The following CENPP variants were observed in gnomAD, a reference collection of about 807,000 sequenced individuals.
The protein encoded by CENPP is centromere protein P.
CENPP carries 24 observed loss-of-function variants against 35.6 expected under a neutral mutation model. The observed-to-expected ratio is 0.67, with a 90% CI of 0.49 to 0.95. The LOEUF (loss-of-function observed/expected upper bound fraction) is 0.95, where lower values mean the gene tolerates loss of function less well. Ranked by LOEUF, CENPP falls within the 40% of genes least tolerant of loss-of-function variation. CENPP has a pLI of 0.00. For missense variants in CENPP, 332 were observed against 345.3 expected (o/e 0.96, Z 0.31); for synonymous variants, 120 against 125.5 (o/e 0.96, Z 0.29).
In CENPP at chr9:92,330,910, G is replaced by T. The variant is rs992290292; in HGVS notation, c.108-1260G>T. 2.0e-5 allele frequency among the ~76,000 whole-genome samples: 3 copies of T among 151,924 alleles called. 1 individual carries two copies. In the South Asian group the frequency reaches 6.2e-4, roughly 31 times the overall value. ...TCACCATATTGGCCAGGCTGGTCTC[G>T]AACTCCTGACCTCAAGTGATCCACC... On this transcript the variant is annotated intron_variant, in intron 1 of 7. Transcript: ENST00000375587.
intron 5 of CENPP, among the ~76,000 whole-genome samples, chr9:92,406,126 C>T (rs538142913): frequency 6.6e-6 from 1 of 152,136 alleles, no homozygotes; most frequent in Non-Finnish European, 1.5e-5. Context: ...GGAGGGTAAG[C>T]GCAGGTGATG....
chr9:92,447,418 T>C (rs965564093), intron 5 of CENPP, among the ~76,000 whole-genome samples: 1 of 152,080 alleles, frequency 6.6e-6, no homozygotes, highest in Non-Finnish European at 1.5e-5. Flanking sequence ...GTGTGGTTCA[T>C]AATAGGGTTT....
At chr9:92,446,091 A>C (rs1044451557) in intron 5 of CENPP, among the ~76,000 whole-genome samples, 8 of 152,090 alleles carry the variant, frequency 5.3e-5, no homozygotes, top group Non-Finnish European at 7.4e-5. Flanking sequence ...AGAAAAAAAA[A>C]CTCTCCATCA....
chr9:92,570,733 T>C (rs1480861700), intron 5 of CENPP, among the ~76,000 whole-genome samples: 2 of 152,256 alleles, frequency 1.3e-5, no homozygotes, highest in Non-Finnish European at 2.9e-5. Flanking sequence ...TGGTAGGCTA[T>C]TAATTATTGC....
At chr9:92,547,645 T>C (rs1033641083) in intron 5 of CENPP, among the ~76,000 whole-genome samples, 14 of 152,188 alleles carry the variant, frequency 9.2e-5, no homozygotes, top group African/African-American at 3.1e-4. Flanking sequence ...AGTGGTTGCC[T>C]GAAATGAAGG....
rs144488901 is a variant in CENPP at position 92,616,224 on chromosome 9, A to G, written c.*3075A>G. ...TTTTAAAAGAGAAGTGAATGGCCTC[A>G]CACCCCAGCTCACAAAGAGCACTCG... On this transcript the variant is annotated 3_prime_UTR_variant, in exon 8 of 8. Transcript: ENST00000375587. The G allele has an allele frequency of 3.5e-6, 2 of 574,008 alleles. No homozygotes were observed. The highest frequency in any genetic ancestry group is 6.2e-6 in the Non-Finnish European group (2 of 321,818). The allele number at this position is 574,008 out of a possible 1,614,324, so 35.6% of individuals were successfully genotyped here. A position where few individuals can be genotyped will look rare whatever the true frequency, so the allele number is the denominator to read the frequency against.
intron 4 of CENPP, among the ~76,000 whole-genome samples, chr9:92,348,114 T>TTC (rs1491060575): frequency 0.052 from 22 of 420 alleles, no homozygotes; most frequent in African/African-American, 0.24. Flanking sequence ...CTTTCTTTCT[T>TTC]TTTTTTTTTT....
intron 5 of CENPP, among the ~76,000 whole-genome samples, chr9:92,579,435 A>G (rs1205642839): frequency 8.0e-5 from 12 of 149,138 alleles, no homozygotes; most frequent in Admixed American, 5.3e-4. Context: ...ACCCATGAGC[A>G]TGGAATGTTC....
At chr9:92,444,337 C>T (rs1208016292) in intron 5 of CENPP, among the ~76,000 whole-genome samples, 1 of 151,842 alleles carries the variant, frequency 6.6e-6, no homozygotes, top group Non-Finnish European at 1.5e-5. Context: ...ATCCTTCATG[C>T]ATTTTTAAAT....
chr9:92,587,478 A>AGG (rs111695803), intron 5 of CENPP, among the ~76,000 whole-genome samples: 6 of 151,566 alleles, frequency 4.0e-5, no homozygotes, highest in South Asian at 4.2e-4. Flanking sequence ...CTCAAAAAAA[A>AGG]GGGGGGGGAC....
intron 5 of CENPP, among the ~76,000 whole-genome samples, chr9:92,448,645 G>C (rs2131016485): frequency 6.6e-6 from 1 of 152,118 alleles, no homozygotes; most frequent in South Asian, 2.1e-4. Context: ...ATTGCTTCTG[G>C]ATGGGGCCAC....
chr9:92,343,433 T>G (rs966125417), intron 3 of CENPP, among the ~76,000 whole-genome samples: 12 of 152,220 alleles, frequency 7.9e-5, no homozygotes, highest in Admixed American at 7.9e-4. Flanking sequence ...TCAATTAGAT[T>G]GGTAGGAGTT....
chr9:92,368,228 G>A (rs7850432), intron 4 of CENPP, among the ~76,000 whole-genome samples: 67,620 of 151,956 alleles, frequency 0.44, 17,300 homozygotes, highest in African/African-American at 0.7. Flanking sequence ...GGATCATTGT[G>A]CACAAACTTT....
Position 92,615,925 on chromosome 9 carries a change from A to G in CENPP, c.*2776A>G. On this transcript the variant is annotated 3_prime_UTR_variant, in exon 8 of 8. Coordinates refer to ENST00000375587, the MANE Select transcript of CENPP (RefSeq NM_001012267.3). ...CTTTGGCACGTACAGTCTTTGAATA[A>G]TAGTTGACGATCTTGCCGTCCAGTT... The G allele has an allele frequency of 1.2e-6, 2 of 1,614,162 alleles. No individual in the cohort carries two copies. The highest frequency in any genetic ancestry group is 2.2e-5 in the South Asian group (2 of 91,068).
intron 5 of CENPP, among the ~76,000 whole-genome samples, chr9:92,430,402 T>C (rs1844075702): frequency 6.6e-6 from 1 of 152,060 alleles, no homozygotes; most frequent in Admixed American, 6.6e-5. Flanking sequence ...TGTTATGTCA[T>C]TGGGTTTATC....
chr9:92,469,869 GGTTT>G (rs1316486522), intron 5 of CENPP, among the ~76,000 whole-genome samples: 2 of 152,114 alleles, frequency 1.3e-5, no homozygotes, highest in African/African-American at 2.4e-5. Flanking sequence ...TGATTTTTTT[GGTTT>G]GTTTTTGTTT....
intron 5 of CENPP, among the ~76,000 whole-genome samples, chr9:92,432,325 CAA>C (rs201796744): frequency 7.2e-6 from 1 of 138,402 alleles, no homozygotes; most frequent in African/African-American, 2.6e-5. Context: ...AACTCCATCT[CAA>C]AAAAAAAAAG....
intron 5 of CENPP, among the ~76,000 whole-genome samples, chr9:92,430,655 C>T (rs1020303490): frequency 2.6e-5 from 4 of 152,042 alleles, no homozygotes; most frequent in Non-Finnish European, 5.9e-5. Flanking sequence ...CACGCCTGGA[C>T]AAGTTTATCC....
At position 92,465,022 on chromosome 9, in the gene CENPP, A is replaced by G. The variant is rs765269212; in HGVS notation, c.564+85163A>G. 2.0e-5 allele frequency: 32 copies of G among 1,608,748 alleles called. No individual in the cohort carries two copies. The East Asian group carries it at 2.9e-4, about 15-fold the overall frequency. On this transcript the variant is annotated intron_variant, in intron 5 of 7. Coordinates refer to ENST00000375587, the MANE Select transcript of CENPP (RefSeq NM_001012267.3). ...TCCCATTATTATCAAGAGGGTTTGC[A>G]CTCATTTCTGTCAGGGGAGAATGAC...
Sources: allele counts gnomAD v4.1 joint callset (sites outside exome capture counted in the v4.1 genomes callset), GRCh38; gene constraint gnomAD v4.1.1; transcripts MANE v1.5; gene names NCBI Gene and HGNC (gene_info 2026-07-23, HGNC 2026-07-21).